PCDH15: variants seen among roughly 807,000 people sequenced by gnomAD.
PCDH15 encodes protocadherin related 15.
PCDH15 carries 129 observed loss-of-function variants against 178.5 expected under a neutral mutation model. That is an observed-to-expected ratio of 0.72 (90% confidence interval 0.63 to 0.84). The LOEUF is 0.84. Among genes scored for constraint, PCDH15 ranks in the 40% least tolerant of loss-of-function variants. The pLI, the probability that PCDH15 is intolerant of heterozygous loss-of-function variation, is 0.00. For synonymous variants in PCDH15, 800 were observed against 732.0 expected, an observed-to-expected ratio of 1.09 and a Z score of -1.50; for missense variants, 2,230 against 2,099.9, an observed-to-expected ratio of 1.06 and a Z score of -1.21.
rs543382230 is a variant in PCDH15 at position 54,591,082 on chromosome 10, C to T, written c.92-63205G>A. On this transcript the variant is annotated intron_variant, in intron 2 of 37. Transcript: ENST00000644397. ...ATTTGTCTCTATTTCATCTGTAGGA[C>T]CTAGCCACTAGCCAAATGCCCGAAG... Among the ~76,000 whole-genome samples, 314 of 152,216 alleles carry T rather than the reference C, an allele frequency of 2.1e-3. 1 individual carries two copies. The highest frequency in any genetic ancestry group is 3.1e-3 in the Non-Finnish European group (213 of 68,018).
chr10:54,313,928 T>C (rs1448650108), intron 8 of PCDH15, among the ~76,000 whole-genome samples: 1 of 152,086 alleles, frequency 6.6e-6, no homozygotes, highest in Non-Finnish European at 1.5e-5. Context: ...TCTATCTTCC[T>C]TTACTTTCCT....
At chr10:55,414,796 TGTG>T (rs1838436115) in intron 2 of PCDH15, among the ~76,000 whole-genome samples, 1 of 150,990 alleles carries the variant, frequency 6.6e-6, no homozygotes, top group African/African-American at 2.4e-5. Flanking sequence ...TGTGTGTGTG[TGTG>T]TGTGTCTGTG....
At chr10:55,322,735 G>C (rs982785303), upstream of PCDH15, among the ~76,000 whole-genome samples, 2 of 150,620 alleles carry the variant, frequency 1.3e-5, no homozygotes, top group East Asian at 2.0e-4. Context: ...AAGGTCAAAG[G>C]GTTCAAGAGG....
chr10:54,369,344 C>G, intron 4 of PCDH15, 69 bp from the exon 5 acceptor site: 2 of 1,353,988 alleles, frequency 1.5e-6, no homozygotes, highest in South Asian at 1.2e-5. Flanking sequence ...TGTCAAAGCA[C>G]TCGTTCATTC....
At chr10:55,297,918 T>C (rs2132274766) in intron 1 of PCDH15, among the ~76,000 whole-genome samples, 1 of 152,168 alleles carries the variant, frequency 6.6e-6, no homozygotes, top group Non-Finnish European at 1.5e-5. Context: ...GACTGGAGGA[T>C]CCTTTCCTGG....
chr10:55,153,919 T>G (rs1322619398), intron 2 of PCDH15, among the ~76,000 whole-genome samples: 1 of 152,186 alleles, frequency 6.6e-6, no homozygotes, highest in Non-Finnish European at 1.5e-5. Flanking sequence ...CAAATCCTTA[T>G]AAGGATGGAA....
At chr10:54,609,818 T>C (rs116708718) in intron 2 of PCDH15, among the ~76,000 whole-genome samples, 1,926 of 152,152 alleles carry the variant, frequency 0.013, 44 homozygotes, top group African/African-American at 0.044. Context: ...TAAATGATTC[T>C]ATTTTTTTCC....
chr10:54,704,858 A>G (rs963552282), intron 1 of PCDH15, among the ~76,000 whole-genome samples: 2 of 152,118 alleles, frequency 1.3e-5, no homozygotes, highest in African/African-American at 4.8e-5. Context: ...TCATTCTACC[A>G]TAAAGGCACA....
chr10:54,249,723 A>G (rs988087449), intron 8 of PCDH15, among the ~76,000 whole-genome samples: 5 of 151,828 alleles, frequency 3.3e-5, no homozygotes, highest in Non-Finnish European at 7.4e-5. Context: ...TCTGAAAATT[A>G]TGTGAATATC....
intron 21 of PCDH15, among the ~76,000 whole-genome samples, chr10:53,992,748 T>C (rs575007735): frequency 3.2e-4 from 49 of 152,336 alleles, no homozygotes; most frequent in African/African-American, 1.1e-3. Context: ...TGATCAGTCA[T>C]TCACTATTCA....
intron 2 of PCDH15, among the ~76,000 whole-genome samples, chr10:55,466,259 A>G (rs1390730416): frequency 6.6e-6 from 1 of 152,226 alleles, no homozygotes; most frequent in Non-Finnish European, 1.5e-5. Context: ...CTTAATTAAC[A>G]TAAATAAAAC....
intron 2 of PCDH15, among the ~76,000 whole-genome samples, chr10:55,465,972 G>A (rs1323219566): frequency 1.3e-5 from 2 of 152,030 alleles, no homozygotes; most frequent in Admixed American, 6.6e-5. Context: ...CGATATCAGC[G>A]TCACTGAATG....
At chr10:54,717,245 A>T (rs12413489) in intron 1 of PCDH15, among the ~76,000 whole-genome samples, 1 of 113,106 alleles carries the variant, frequency 8.8e-6, no homozygotes, top group Non-Finnish European at 1.9e-5. Context: ...GCAACAAAAG[A>T]CAAAATTGAC....
chr10:54,847,483 A>G (rs1252785734), intron 3 of PCDH15, among the ~76,000 whole-genome samples: 3 of 151,968 alleles, frequency 2.0e-5, no homozygotes, highest in Non-Finnish European at 2.9e-5. Flanking sequence ...TTTACTCTTC[A>G]ACTACACTCA....
intron 26 of PCDH15, among the ~76,000 whole-genome samples, chr10:53,897,731 T>C (rs2593120): frequency 0.75 from 114,025 of 151,948 alleles, 43,327 homozygotes; most frequent in East Asian, 1. Context: ...TGGCAGCCAA[T>C]ATTCTGCTTT....
At chr10:55,166,877 T>A (rs1446408991) in intron 1 of PCDH15, among the ~76,000 whole-genome samples, 1 of 152,154 alleles carries the variant, frequency 6.6e-6, no homozygotes, top group African/African-American at 2.4e-5. Flanking sequence ...ACTTAACTCT[T>A]AGAATGCATA....
chr10:53,916,740 G>A (rs1359469096), intron 25 of PCDH15, among the ~76,000 whole-genome samples: 1 of 152,026 alleles, frequency 6.6e-6, no homozygotes, highest in East Asian at 1.9e-4. Context: ...CCTTATACAG[G>A]TTACTTACTC....
intron 3 of PCDH15, among the ~76,000 whole-genome samples, chr10:54,515,941 C>A (rs940849459): frequency 6.6e-6 from 1 of 152,240 alleles, no homozygotes; most frequent in Non-Finnish European, 1.5e-5. Context: ...AGGGTCCTAA[C>A]TGTTAGAAGG....
intron 8 of PCDH15, 117 bp from the exon 9 acceptor site, chr10:54,237,048 T>C: frequency 1.1e-6 from 1 of 885,586 alleles, no homozygotes. Context: ...AACTCAAGTT[T>C]CAACATTTAT....
Sources: gnomAD v4.1 joint callset for allele counts (sites outside exome capture counted in the v4.1 genomes callset) on GRCh38, gnomAD v4.1.1 for gene constraint, MANE v1.5 for transcripts, NCBI Gene and HGNC (gene_info 2026-07-23, HGNC 2026-07-21) for gene names.